PARVA: variants seen among roughly 807,000 people sequenced by gnomAD.
PARVA encodes the protein alpha-parvin.
Under a neutral mutation model 52.6 loss-of-function variants are expected in PARVA, and 25 were observed. That is an observed-to-expected ratio of 0.48 (90% CI 0.35 to 0.66). PARVA has a LOEUF of 0.66. Ranked by LOEUF, PARVA falls within the 30% of genes least tolerant of loss-of-function variation. PARVA has a pLI of 0.01. For synonymous variants in PARVA, 185 were observed against 179.1 expected, an observed-to-expected ratio of 1.03 and a Z score of -0.26; for missense variants, 373 against 450.9, an observed-to-expected ratio of 0.83 and a Z score of 1.56.
intron 6 of PARVA, among the ~76,000 whole-genome samples, chr11:12,508,099 TAAAAA>T (rs35314523): frequency 1.5e-4 from 14 of 91,796 alleles, no homozygotes; most frequent in South Asian, 4.5e-4. Flanking sequence ...ATTTATCAGT[TAAAAA>T]AAAAAAAAAA....
chr11:12,453,087 G>GT, intron 1 of PARVA: 1 of 430,880 alleles, frequency 2.3e-6, no homozygotes, highest in Non-Finnish European at 4.7e-6. Context: ...ATTCTTTGTT[G>GT]GGGGGGCGCC....
At chr11:12,468,467 T>C (rs1173378809) in intron 1 of PARVA, among the ~76,000 whole-genome samples, 1 of 152,340 alleles carries the variant, frequency 6.6e-6, no homozygotes, top group South Asian at 2.1e-4. Flanking sequence ...CTTTTCTTCA[T>C]GAACAAAAAT....
chr11:12,379,418 G>C (rs148794108), intron 1 of PARVA, among the ~76,000 whole-genome samples: 2 of 152,256 alleles, frequency 1.3e-5, no homozygotes, highest in African/African-American at 4.8e-5. Flanking sequence ...TCACGTTAAA[G>C]ATTTGTCTTT....
At chr11:12,440,930 A>G (rs540586852) in intron 1 of PARVA, among the ~76,000 whole-genome samples, 3 of 152,244 alleles carry the variant, frequency 2.0e-5, no homozygotes, top group Non-Finnish European at 4.4e-5. Context: ...AACTCAAATC[A>G]AAACTAGTAC....
At chr11:12,505,466 G>T (rs536945197) in intron 6 of PARVA, among the ~76,000 whole-genome samples, 1 of 152,216 alleles carries the variant, frequency 6.6e-6, no homozygotes, top group African/African-American at 2.4e-5. Flanking sequence ...TTGTCCCCCA[G>T]TGAAAAACTA....
At chr11:12,482,167 A>AG (rs1375138466) in intron 4 of PARVA, among the ~76,000 whole-genome samples, 4 of 151,678 alleles carry the variant, frequency 2.6e-5, no homozygotes, top group South Asian at 4.2e-4. Context: ...AAAAAAAAAA[A>AG]AAAAAGAAAA....
At chr11:12,474,315 C>T (rs1464208993) in intron 3 of PARVA, among the ~76,000 whole-genome samples, 2 of 152,092 alleles carry the variant, frequency 1.3e-5, no homozygotes, top group South Asian at 2.1e-4. Flanking sequence ...AGTAATTAGT[C>T]TCATCCCCAT....
intron 12 of PARVA, 124 bp from the exon 13 acceptor site, chr11:12,527,725 C>T: frequency 1.3e-6 from 1 of 762,194 alleles, no homozygotes. Context: ...CCCACTCTAC[C>T]CATCTGCCCC....
intron 8 of PARVA, 84 bp from the exon 9 acceptor site, chr11:12,513,215 A>T: frequency 9.2e-7 from 1 of 1,086,384 alleles, no homozygotes; most frequent in Non-Finnish European, 1.4e-6. Context: ...TGACCTTGAG[A>T]GGCGCGTGGC....
chr11:12,502,831 G>A (rs1366737255), intron 5 of PARVA, among the ~76,000 whole-genome samples: 2 of 151,752 alleles, frequency 1.3e-5, no homozygotes, highest in Non-Finnish European at 2.9e-5. Context: ...GAAGGCTTTT[G>A]GGGAATCTTT....
intron 1 of PARVA, among the ~76,000 whole-genome samples, chr11:12,404,368 G>C (rs1939873123): frequency 6.6e-6 from 1 of 152,118 alleles, no homozygotes; most frequent in Non-Finnish European, 1.5e-5. Context: ...GTTCCTTGGG[G>C]ATGCAAAGGA....
chr11:12,457,514 C>T (rs1206173333), intron 1 of PARVA, among the ~76,000 whole-genome samples: 7 of 152,336 alleles, frequency 4.6e-5, no homozygotes, highest in East Asian at 1.9e-4. Context: ...TCTCTGCTTC[C>T]TCCATTGCTG....
intron 1 of PARVA, among the ~76,000 whole-genome samples, chr11:12,386,996 T>C (rs1398889865): frequency 2.0e-5 from 3 of 152,218 alleles, no homozygotes; most frequent in African/African-American, 4.8e-5. Flanking sequence ...TCTCATGGAA[T>C]ATCTCTATTT....
At chr11:12,498,571 CTTTTT>C (rs138332169) in intron 5 of PARVA, among the ~76,000 whole-genome samples, 3 of 84,130 alleles carry the variant, frequency 3.6e-5, no homozygotes, top group Non-Finnish European at 4.9e-5. Flanking sequence ...GTCATATACA[CTTTTT>C]TTTTTTTTTT....
intron 5 of PARVA, among the ~76,000 whole-genome samples, chr11:12,497,951 C>T (rs1564862812): frequency 6.6e-6 from 1 of 151,548 alleles, no homozygotes; most frequent in Admixed American, 6.6e-5. Flanking sequence ...TGTACCCCTC[C>T]AAAAAAAACA....
chr11:12,502,732 C>A (rs1048177756), intron 5 of PARVA, among the ~76,000 whole-genome samples: 73 of 151,528 alleles, frequency 4.8e-4, no homozygotes, highest in Non-Finnish European at 5.9e-5. Context: ...GAAAAGATGG[C>A]AGATTTTTAT....
At chr11:12,482,132 G>A (rs1027340214) in intron 4 of PARVA, among the ~76,000 whole-genome samples, 1 of 149,784 alleles carries the variant, frequency 6.7e-6, no homozygotes, top group Non-Finnish European at 1.5e-5. Context: ...CTCCAGCCTG[G>A]GCAGCAAGAA....
intron 1 of PARVA, among the ~76,000 whole-genome samples, chr11:12,434,506 C>A (rs1940360967): frequency 6.6e-6 from 1 of 152,214 alleles, no homozygotes; most frequent in Admixed American, 6.5e-5. Flanking sequence ...CTCAGCTTTT[C>A]TGGCTGTCAC....
At chr11:12,480,804 T>C (rs1326528392) in intron 4 of PARVA, 2 of 115,898 alleles carry the variant, frequency 1.7e-5, no homozygotes, top group African/African-American at 3.3e-5. Context: ...GGAACCAGTT[T>C]GCGGTAAAAA....
Sources: allele counts gnomAD v4.1 joint callset (sites outside exome capture counted in the v4.1 genomes callset), GRCh38; gene constraint gnomAD v4.1.1; transcripts MANE v1.5; gene names NCBI Gene and HGNC (gene_info 2026-07-23, HGNC 2026-07-21).